The following GPC5 variants were observed in gnomAD, a reference collection of about 807,000 sequenced individuals.
GPC5 encodes glypican 5, also known as glypican-5.
Under a neutral mutation model 53.9 loss-of-function variants are expected in GPC5, and 47 were observed. The observed-to-expected ratio is 0.87, with a 90% CI of 0.69 to 1.11. The LOEUF (loss-of-function observed/expected upper bound fraction) is 1.11. Ranked by LOEUF, GPC5 falls within the 50% of genes most tolerant of loss-of-function variation. The probability of loss-of-function intolerance (pLI) is 0.00; values close to 1 mark genes in which losing one functional copy is unlikely to be tolerated. For missense variants in GPC5, 748 were observed against 713.1 expected, an observed-to-expected ratio of 1.05 and a Z score of -0.56; for synonymous variants, 286 against 263.3, an observed-to-expected ratio of 1.09 and a Z score of -0.84.
At chr13:92,538,974 T>TATATATATATACC (rs1881831970) in intron 7 of GPC5, among the ~76,000 whole-genome samples, 1 of 119,544 alleles carries the variant, frequency 8.4e-6, no homozygotes, top group African/African-American at 3.2e-5. Flanking sequence ...ATACCTTGTA[T>TATATATATATACC]ATATATATAT....
At chr13:92,417,783 C>T (rs1017190103) in intron 7 of GPC5, among the ~76,000 whole-genome samples, 1 of 152,038 alleles carries the variant, frequency 6.6e-6, no homozygotes, top group Non-Finnish European at 1.5e-5. Context: ...CCCAGCTATT[C>T]GGGGGGCTGA....
At chr13:92,570,143 A>G (rs1313341198) in intron 7 of GPC5, among the ~76,000 whole-genome samples, 1 of 152,222 alleles carries the variant, frequency 6.6e-6, no homozygotes, top group Non-Finnish European at 1.5e-5. Flanking sequence ...TTTGACAATC[A>G]TAAAAGAAGA....
chr13:92,140,146 G>T (rs964944856), intron 6 of GPC5, among the ~76,000 whole-genome samples: 2 of 152,100 alleles, frequency 1.3e-5, no homozygotes, highest in Non-Finnish European at 2.9e-5. Context: ...AAAATGAAAG[G>T]GTGTATTCTA....
intron 6 of GPC5, among the ~76,000 whole-genome samples, chr13:92,027,677 A>G (rs982400571): frequency 2.0e-5 from 3 of 152,200 alleles, no homozygotes; most frequent in Non-Finnish European, 4.4e-5. Flanking sequence ...ACCATCTCCC[A>G]TGACTTCCCA....
At chr13:92,658,100 T>C (rs1245431637) in intron 7 of GPC5, among the ~76,000 whole-genome samples, 1 of 152,184 alleles carries the variant, frequency 6.6e-6, no homozygotes, top group East Asian at 1.9e-4. Context: ...CTTCATCAGA[T>C]TGTCACTGTC....
chr13:92,813,669 CAG>C (rs1480508774), intron 7 of GPC5, among the ~76,000 whole-genome samples: 1 of 151,966 alleles, frequency 6.6e-6, no homozygotes, highest in Admixed American at 6.5e-5. Context: ...GTTATATAAA[CAG>C]TAGTATTCTT....
intron 2 of GPC5, among the ~76,000 whole-genome samples, chr13:91,610,662 G>T (rs2033519629): frequency 1.3e-5 from 2 of 152,100 alleles, no homozygotes; most frequent in Non-Finnish European, 2.9e-5. Flanking sequence ...ATTCTGCATG[G>T]AATTTATTCA....
intron 2 of GPC5, among the ~76,000 whole-genome samples, chr13:91,547,383 G>C (rs964810934): frequency 9.9e-5 from 15 of 151,962 alleles, no homozygotes; most frequent in African/African-American, 3.6e-4. Context: ...GCAATTCTAT[G>C]CCCATAAATT....
chr13:92,115,581 T>C (rs1014525835), intron 6 of GPC5, among the ~76,000 whole-genome samples: 1 of 152,124 alleles, frequency 6.6e-6, no homozygotes, highest in African/African-American at 2.4e-5. Context: ...CTGAAAACCA[T>C]CAACTTCCTC....
chr13:91,659,227 A>G (rs922841742), intron 2 of GPC5, among the ~76,000 whole-genome samples: 10 of 152,366 alleles, frequency 6.6e-5, no homozygotes, highest in South Asian at 4.1e-4. Flanking sequence ...AAATGCATAG[A>G]AAAACCAGAA....
intron 3 of GPC5, among the ~76,000 whole-genome samples, chr13:91,697,326 A>G (rs1219905170): frequency 6.6e-6 from 1 of 152,012 alleles, no homozygotes. Context: ...TAGTTTTAGT[A>G]GAGATGGGGT....
At chr13:92,466,201 G>A (rs995669162) in intron 7 of GPC5, among the ~76,000 whole-genome samples, 3 of 145,558 alleles carry the variant, frequency 2.1e-5, no homozygotes, top group Non-Finnish European at 4.5e-5. Flanking sequence ...TATAAATATA[G>A]TAGTAATAGT....
At chr13:92,029,828 G>A (rs2040827389) in intron 6 of GPC5, among the ~76,000 whole-genome samples, 1 of 152,174 alleles carries the variant, frequency 6.6e-6, no homozygotes, top group Non-Finnish European at 1.5e-5. Flanking sequence ...CCACAGGGAT[G>A]TAGTAAAACA....
At chr13:91,929,674 T>C (rs2039802897) in intron 6 of GPC5, among the ~76,000 whole-genome samples, 1 of 152,268 alleles carries the variant, frequency 6.6e-6, no homozygotes, top group Non-Finnish European at 1.5e-5. Context: ...GTCATTTTAA[T>C]GGGTTGCCTA....
chr13:92,768,463 C>T (rs1875493341), intron 7 of GPC5, among the ~76,000 whole-genome samples: 1 of 151,994 alleles, frequency 6.6e-6, no homozygotes, highest in Admixed American at 6.6e-5. Flanking sequence ...TGAAATTCTT[C>T]GTTTTTATCT....
At chr13:92,200,530 G>A (rs1232872717) in intron 7 of GPC5, among the ~76,000 whole-genome samples, 1 of 152,126 alleles carries the variant, frequency 6.6e-6, no homozygotes, top group Non-Finnish European at 1.5e-5. Context: ...AATTATAACA[G>A]TTGAGATTCT....
At position 92,201,364 on chromosome 13, in the gene GPC5, ATTGTCACTT is replaced by A. The variant is rs907636433; in HGVS notation, c.1561+56376_1561+56384del. 5.7e-4 allele frequency among the ~76,000 whole-genome samples: 87 copies of A among 152,328 alleles called. 1 individual carries two copies. Among genetic ancestry groups the A allele is most frequent in the African/African-American group, 2.0e-3 (84 of 41,572 alleles). ...GTTGGCCGAGGAGCAGCCATGGCAC[ATTGTCACTT>A]CAATTGATGTGCATGGTTGATACTA... On this transcript the variant is annotated intron_variant, in intron 7 of 7. Coordinates refer to ENST00000377067, the MANE Select transcript of GPC5 (RefSeq NM_004466.6).
intron 2 of GPC5, 70 bp from the exon 3 acceptor site, chr13:91,693,117 T>C: frequency 9.0e-7 from 1 of 1,108,876 alleles, no homozygotes; most frequent in Non-Finnish European, 1.3e-6. Context: ...TCATTTAATG[T>C]CTGGAGCAGA....
chr13:91,521,790 AG>A (rs1374759790), intron 2 of GPC5, among the ~76,000 whole-genome samples: 1 of 152,154 alleles, frequency 6.6e-6, no homozygotes, highest in Non-Finnish European at 1.5e-5. Flanking sequence ...CCAAAAGGTG[AG>A]GGCTCAGTCC....
Sources: allele counts gnomAD v4.1 joint callset (sites outside exome capture counted in the v4.1 genomes callset), GRCh38; gene constraint gnomAD v4.1.1; transcripts MANE v1.5; gene names NCBI Gene and HGNC (gene_info 2026-07-23, HGNC 2026-07-21).